The following PDE3A variants were observed in gnomAD, a reference collection of about 807,000 sequenced individuals.
PDE3A encodes the protein phosphodiesterase 3A, also known as cGMP-inhibited 3',5'-cyclic phosphodiesterase 3A.
PDE3A carries 43 observed loss-of-function variants against 98.3 expected under a neutral mutation model. The ratio of observed to expected loss-of-function variants is 0.44; its 90% confidence interval spans 0.34 to 0.56. The LOEUF is 0.56. Ranked by LOEUF, PDE3A falls within the 20% of genes least tolerant of loss-of-function variation. The pLI is 0.01. For missense variants in PDE3A, 1,427 were observed against 1,440.7 expected, an observed-to-expected ratio of 0.99 and a Z score of 0.15; for synonymous variants, 663 against 567.9, an observed-to-expected ratio of 1.17 and a Z score of -2.38.
intron 15 of PDE3A, among the ~76,000 whole-genome samples, chr12:20,671,359 A>G (rs867416791): frequency 4.6e-5 from 7 of 152,306 alleles, no homozygotes; most frequent in Middle Eastern, 3.4e-3. Context: ...TGAGGCTAGC[A>G]TCATCCTGAT....
intron 1 of PDE3A, among the ~76,000 whole-genome samples, chr12:20,522,232 G>A (rs1301934004): frequency 6.6e-6 from 1 of 152,104 alleles, no homozygotes; most frequent in East Asian, 1.9e-4. Flanking sequence ...TCAACACAAG[G>A]GCCCTGGTCT....
chr12:20,509,463 A>G (rs1946178509), intron 1 of PDE3A, among the ~76,000 whole-genome samples: 2 of 151,870 alleles, frequency 1.3e-5, no homozygotes, highest in Admixed American at 1.3e-4. Context: ...GCAATCTATT[A>G]TTTTTGTCCA....
At chr12:20,530,498 T>TG in intron 1 of PDE3A, among the ~76,000 whole-genome samples, 1 of 151,970 alleles carries the variant, frequency 6.6e-6, no homozygotes, top group East Asian at 1.9e-4. Flanking sequence ...ACTTTTTTTT[T>TG]TTTTTTTAAG....
At chr12:20,465,611 A>G (rs1208235788) in intron 1 of PDE3A, among the ~76,000 whole-genome samples, 2 of 152,054 alleles carry the variant, frequency 1.3e-5, no homozygotes, top group African/African-American at 2.4e-5. Context: ...GGGTTTCACC[A>G]TGCTGGCCAG....
chr12:20,368,677 G>T lies in PDE3A; in HGVS notation c.-608G>T, dbSNP rs949286284. Among the ~76,000 whole-genome samples, 5 of 151,998 alleles carry T rather than the reference G, an allele frequency of 3.3e-5. No individual in the cohort carries two copies. Among genetic ancestry groups the T allele is most frequent in the Admixed American group, 6.5e-5 (1 of 15,272 alleles). ...GGGAGGCTTTGCTTTCTGCCCCAGG[G>T]AATGGCGATTCGCGTCCTGGGGCCG... On this transcript the variant is annotated 5_prime_UTR_variant, in exon 1 of 16. The change creates a premature stop within an existing upstream ORF in the 5' untranslated region. Coordinates refer to ENST00000359062, the MANE Select transcript of PDE3A (RefSeq NM_000921.5).
intron 5 of PDE3A, among the ~76,000 whole-genome samples, chr12:20,625,417 A>G (rs771655373): frequency 1.3e-5 from 2 of 152,174 alleles, no homozygotes; most frequent in African/African-American, 2.4e-5. Context: ...GATAAGAGAT[A>G]TCTCTACACC....
chr12:20,446,688 CATTT>C (rs1944961053), intron 1 of PDE3A, among the ~76,000 whole-genome samples: 1 of 152,100 alleles, frequency 6.6e-6, no homozygotes, highest in Non-Finnish European at 1.5e-5. Flanking sequence ...ATCTTCTATT[CATTT>C]AAAATTTCAT....
rs777381786 is a variant in PDE3A at position 20,603,442 on chromosome 12, A to AAATT, written c.1012-9998_1012-9995dup. Among the ~76,000 whole-genome samples the AAATT allele has an allele frequency of 1.4e-4, 21 of 152,378 alleles. No homozygotes were observed. In the East Asian group the frequency reaches 1.9e-3, roughly 14 times the overall value. ...TGTACAATCACTTTTTAAGAACTTA[A>AAATT]AATTAAAATCAGGACTATTATGAGT... On this transcript the variant is annotated intron_variant, in intron 2 of 15. Transcript: ENST00000359062.
chr12:20,543,661 T>C (rs903211477), intron 1 of PDE3A, among the ~76,000 whole-genome samples: 2 of 152,074 alleles, frequency 1.3e-5, no homozygotes, highest in African/African-American at 4.8e-5. Context: ...AATTGTGTTT[T>C]GGCGTGGCCA....
At position 20,646,475 on chromosome 12, in the gene PDE3A, G is replaced by A; in HGVS notation, c.2252-15G>A. The A allele has an allele frequency of 7.2e-7, 1 of 1,385,002 alleles. No individual in the cohort carries two copies. The highest frequency in any genetic ancestry group is 2.3e-5 in the East Asian group (1 of 43,758). 85.8% of individuals were successfully genotyped at this position (1,385,002 alleles called of 1,614,324 possible). ...AGTTCATAAACTGATGACTGTTCCT[G>A]TTCACTGGTTACAGATCATAACAGA... On this transcript the variant is annotated splice_polypyrimidine_tract_variant and intron_variant, in intron 10 of 15. Coordinates refer to ENST00000359062, the MANE Select transcript of PDE3A (RefSeq NM_000921.5).
intron 2 of PDE3A, among the ~76,000 whole-genome samples, chr12:20,585,084 T>C (rs2121356219): frequency 6.6e-6 from 1 of 152,326 alleles, no homozygotes; most frequent in East Asian, 1.9e-4. Flanking sequence ...AATTTGACAT[T>C]TTCCTCTGCC....
intron 1 of PDE3A, among the ~76,000 whole-genome samples, chr12:20,529,272 T>C (rs1242358317): frequency 1.3e-5 from 2 of 152,146 alleles, no homozygotes; most frequent in Non-Finnish European, 2.9e-5. Flanking sequence ...AAGCATATAT[T>C]TTACTTGGAG....
At chr12:20,575,699 CA>C (rs1942913134) in intron 2 of PDE3A, among the ~76,000 whole-genome samples, 1 of 151,968 alleles carries the variant, frequency 6.6e-6, no homozygotes. Flanking sequence ...AGTTAGGTCA[CA>C]AGGTCCTGTT....
intron 1 of PDE3A, among the ~76,000 whole-genome samples, chr12:20,417,323 TTTTAC>T (rs1944437217): frequency 6.6e-6 from 1 of 152,212 alleles, no homozygotes; most frequent in Non-Finnish European, 1.5e-5. Context: ...TCCTTTTTTG[TTTTAC>T]TTTGAGTTTT....
chr12:20,665,689 T>A (rs970503324), intron 15 of PDE3A, among the ~76,000 whole-genome samples: 8 of 152,164 alleles, frequency 5.3e-5, no homozygotes, highest in East Asian at 1.9e-4. Context: ...ATAAGCAATA[T>A]ATTAGTTCTA....
intron 10 of PDE3A, among the ~76,000 whole-genome samples, chr12:20,645,660 G>A (rs766093766): frequency 5.3e-5 from 8 of 152,116 alleles, no homozygotes; most frequent in Non-Finnish European, 7.3e-5. Flanking sequence ...AAAGGAAGGT[G>A]AGCCAAGAGC....
At chr12:20,370,410 T>TTTTTTTTTTTTTTTTTTTTTTG in intron 1 of PDE3A, 166 bp downstream of exon 1, 1 of 251,832 alleles carries the variant, frequency 4.0e-6, no homozygotes, top group East Asian at 5.7e-5. Context: ...GTTTTTTTTG[T>TTTTTTTTTTTTTTTTTTTTTTG]TTTTTTTTTT....
intron 1 of PDE3A, among the ~76,000 whole-genome samples, chr12:20,394,449 G>A (rs1032027160): frequency 6.6e-6 from 1 of 151,940 alleles, no homozygotes; most frequent in African/African-American, 2.4e-5. Flanking sequence ...ACCTCTTTGT[G>A]GCACTTTGGG....
rs186243750 is a variant in PDE3A at position 20,528,604 on chromosome 12, T to A, written c.961-28056T>A. On this transcript the variant is annotated intron_variant, in intron 1 of 15. Coordinates refer to ENST00000359062, the MANE Select transcript of PDE3A (RefSeq NM_000921.5). ...TTCCTAGTACTTACTGCATCTACAA[T>A]AATTTAGTCATAAGATATTGATAAA... Among the ~76,000 whole-genome samples, 5 of 152,330 alleles carry A rather than the reference T, an allele frequency of 3.3e-5. No homozygotes were observed. In the East Asian group the frequency reaches 9.6e-4, roughly 29 times the overall value.
Sources: allele counts gnomAD v4.1 joint callset (sites outside exome capture counted in the v4.1 genomes callset), GRCh38; gene constraint gnomAD v4.1.1; transcripts MANE v1.5; gene names NCBI Gene and HGNC (gene_info 2026-07-23, HGNC 2026-07-21).